ELOVL5: variants seen among roughly 807,000 people sequenced by gnomAD.
The protein encoded by ELOVL5 is very long chain fatty acid elongase 5.
Under a neutral mutation model 38.6 loss-of-function variants are expected in ELOVL5, and 8 were observed. The observed-to-expected ratio is 0.21, with a 90% confidence interval of 0.12 to 0.37. The LOEUF is 0.37. Among genes scored for constraint, ELOVL5 ranks in the 10% least tolerant of loss-of-function variants. The probability of loss-of-function intolerance (pLI) is 1.00; values close to 1 mark genes in which losing one functional copy is unlikely to be tolerated. For missense variants in ELOVL5, 280 were observed against 367.8 expected, an observed-to-expected ratio of 0.76 and a Z score of 1.95; for synonymous variants, 127 against 133.7, an observed-to-expected ratio of 0.95 and a Z score of 0.34.
In ELOVL5 at chr6:53,267,805, A is replaced by G. The variant is rs370372522; in HGVS notation, c.*1322T>C. On this transcript the variant is annotated 3_prime_UTR_variant, in exon 8 of 8. Transcript: ENST00000304434. ...TGGTTCCAAGAATATCTTTCCCCCA[A>G]TGGAGAAGGTATTCAGAGGCTAAAT... is the stretch of plus-strand genomic sequence containing the variant. 11 of 152,700 alleles carry G rather than the reference A, an allele frequency of 7.2e-5. No homozygotes were observed. The East Asian group carries it at 7.7e-4, about 11-fold the overall frequency. The allele number at this position is 152,700 out of a possible 1,614,324, so 9.5% of individuals were successfully genotyped here.
intron 1 of ELOVL5, among the ~76,000 whole-genome samples, chr6:53,328,113 C>G (rs1174592084): frequency 6.6e-6 from 1 of 152,148 alleles, no homozygotes; most frequent in African/African-American, 2.4e-5. Context: ...AATGAATGAA[C>G]CTACAAATTT....
At chr6:53,311,137 A>G (rs1767812728) in intron 1 of ELOVL5, among the ~76,000 whole-genome samples, 1 of 152,182 alleles carries the variant, frequency 6.6e-6, no homozygotes, top group Non-Finnish European at 1.5e-5. Context: ...GTAGGCAGTT[A>G]CACAATTTTC....
At chr6:53,340,542 C>A (rs1276091823) in intron 1 of ELOVL5, among the ~76,000 whole-genome samples, 1 of 152,182 alleles carries the variant, frequency 6.6e-6, no homozygotes, top group Non-Finnish European at 1.5e-5. Flanking sequence ...ATGGCAAGTG[C>A]CCTACATAGT....
chr6:53,295,759 T>A (rs1766970014), intron 1 of ELOVL5, 52 bp from the exon 2 acceptor site: 2 of 1,133,964 alleles, frequency 1.8e-6, no homozygotes, highest in African/African-American at 3.2e-5. Context: ...ATGTTTTTTA[T>A]ACAGTATTTT....
chr6:53,319,172 G>T (rs1343642098), intron 1 of ELOVL5, among the ~76,000 whole-genome samples: 1 of 151,136 alleles, frequency 6.6e-6, no homozygotes, highest in Admixed American at 6.6e-5. Context: ...TCGGGAGGCT[G>T]AGGCAGGAGA....
intron 1 of ELOVL5, among the ~76,000 whole-genome samples, chr6:53,306,130 T>C (rs1003740840): frequency 1.4e-5 from 2 of 145,558 alleles, no homozygotes; most frequent in Non-Finnish European, 3.0e-5. Context: ...GGCAGGGAGG[T>C]TGCAGTGAGC....
chr6:53,324,547 G>A (rs1370212845), intron 1 of ELOVL5, among the ~76,000 whole-genome samples: 1 of 151,518 alleles, frequency 6.6e-6, no homozygotes, highest in East Asian at 1.9e-4. Context: ...GTGGTGGTGT[G>A]TGCCTGTGGT....
intron 3 of ELOVL5, among the ~76,000 whole-genome samples, chr6:53,284,011 A>G (rs1766466293): frequency 6.6e-6 from 1 of 152,176 alleles, no homozygotes; most frequent in Non-Finnish European, 1.5e-5. Flanking sequence ...ACCTTAAAAA[A>G]AAAAAAAAGT....
intron 2 of ELOVL5, among the ~76,000 whole-genome samples, chr6:53,292,358 G>C (rs768900171): frequency 7.2e-5 from 11 of 152,264 alleles, no homozygotes; most frequent in Non-Finnish European, 1.6e-4. Flanking sequence ...TCTCAGCTGT[G>C]TGTCAGTCGG....
intron 1 of ELOVL5, among the ~76,000 whole-genome samples, chr6:53,301,369 G>T (rs1581950622): frequency 6.6e-6 from 1 of 152,126 alleles, no homozygotes. Flanking sequence ...CAGGCACTAG[G>T]CTCCATGGAA....
intron 3 of ELOVL5, among the ~76,000 whole-genome samples, chr6:53,281,992 A>T (rs1430073750): frequency 2.0e-5 from 3 of 152,134 alleles, no homozygotes. Context: ...TATGTCTGGC[A>T]TTTTCCCTGA....
chr6:53,268,907 A>C lies in ELOVL5; in HGVS notation c.*220T>G. ...TAATAATACTCCCTTTCCACAGTCT[A>C]GCGCAGGGGTCAGAGAGCCCAGAAA... On this transcript the variant is annotated 3_prime_UTR_variant, in exon 8 of 8. Transcript: ENST00000304434. The C allele has an allele frequency of 3.4e-5, 16 of 464,754 alleles. No homozygotes were observed. The highest frequency in any genetic ancestry group is 1.1e-4 in the East Asian group (3 of 27,578). The allele number at this position is 464,754 out of a possible 1,614,324, so 28.8% of individuals were successfully genotyped here. A position where few individuals can be genotyped will look rare whatever the true frequency, so the allele number is the denominator to read the frequency against.
intron 3 of ELOVL5, chr6:53,290,529 C>T (rs1030432950): frequency 3.1e-4 from 47 of 152,120 alleles, no homozygotes; most frequent in African/African-American, 1.1e-3. Flanking sequence ...ATTAAACTGA[C>T]TTCATTCTAG....
At chr6:53,307,619 C>T (rs1028802627) in intron 1 of ELOVL5, among the ~76,000 whole-genome samples, 1 of 152,190 alleles carries the variant, frequency 6.6e-6, no homozygotes, top group Non-Finnish European at 1.5e-5. Context: ...ACATCCATAC[C>T]TCACAGCTCT....
chr6:53,303,637 C>A (rs1767356818), intron 1 of ELOVL5, among the ~76,000 whole-genome samples: 1 of 152,186 alleles, frequency 6.6e-6, no homozygotes, highest in Non-Finnish European at 1.5e-5. Flanking sequence ...AGCTCCACGG[C>A]TGAAGAAGGC....
intron 1 of ELOVL5, among the ~76,000 whole-genome samples, chr6:53,322,468 C>T (rs1415034138): frequency 6.6e-6 from 1 of 152,220 alleles, no homozygotes. Context: ...TGCGGAGGCA[C>T]TAAGTGAGCA....
At chr6:53,337,797 C>G (rs749594807) in intron 1 of ELOVL5, among the ~76,000 whole-genome samples, 7 of 152,182 alleles carry the variant, frequency 4.6e-5, no homozygotes, top group Non-Finnish European at 1.0e-4. Context: ...CAGGAAGGAT[C>G]TGACATGCTA....
chr6:53,347,443 T>C (rs1051782761), intron 1 of ELOVL5, among the ~76,000 whole-genome samples: 2 of 152,212 alleles, frequency 1.3e-5, no homozygotes, highest in African/African-American at 4.8e-5. Context: ...AAACCGCCTG[T>C]TTCTATCTGT....
intron 1 of ELOVL5, among the ~76,000 whole-genome samples, chr6:53,317,226 T>C (rs1768085888): frequency 6.6e-6 from 1 of 152,206 alleles, no homozygotes; most frequent in South Asian, 2.1e-4. Flanking sequence ...TGAATGCTTA[T>C]AAGGAAGCTT....
Sources: allele counts gnomAD v4.1 joint callset (sites outside exome capture counted in the v4.1 genomes callset), GRCh38; gene constraint gnomAD v4.1.1; transcripts MANE v1.5; gene names NCBI Gene and HGNC (gene_info 2026-07-23, HGNC 2026-07-21).